Variants in HIBADH observed in about 807,000 individuals in gnomAD.
HIBADH encodes the protein 3-hydroxyisobutyrate dehydrogenase, mitochondrial.
A neutral mutation model predicts 36.1 loss-of-function variants in HIBADH; 25 were observed. The observed-to-expected ratio is 0.69, with a 90% CI of 0.50 to 0.97. The LOEUF is 0.97. Ranked by LOEUF, HIBADH falls within the 50% of genes least tolerant of loss-of-function variation. The pLI is 0.00. For synonymous variants in HIBADH, 160 were observed against 149.5 expected (o/e 1.07, Z -0.51); for missense variants, 421 against 418.0 (o/e 1.01, Z -0.06).
chr7:27,615,718 T>A (rs1785413710), intron 4 of HIBADH, among the ~76,000 whole-genome samples: 1 of 151,964 alleles, frequency 6.6e-6, no homozygotes, highest in African/African-American at 2.4e-5. Flanking sequence ...CTAATGAAAA[T>A]AAAACAACTC....
At chr7:27,638,250 C>A (rs1336482964) in intron 2 of HIBADH, among the ~76,000 whole-genome samples, 1 of 105,486 alleles carries the variant, frequency 9.5e-6, no homozygotes, top group Non-Finnish European at 1.8e-5. Context: ...ACCAATGGGA[C>A]AGAATAAAGT....
At position 27,584,737 on chromosome 7, in the gene HIBADH, G is replaced by C. The variant is rs185802087; in HGVS notation, c.485-41637C>G. The stretch of plus-strand genomic sequence containing the variant: ...ACAAAAGACATGTACTCAACATTAA[G>C]ATTTAATAAAATTAATAATTTTTAA... On this transcript the variant is annotated intron_variant, in intron 4 of 7. Transcript: ENST00000265395. Among the ~76,000 whole-genome samples, 456 of 152,042 alleles carry C rather than the reference G, an allele frequency of 3.0e-3. 1 individual carries two copies. Among genetic ancestry groups the C allele is most frequent in the Middle Eastern group, 0.01 (3 of 294 alleles).
In HIBADH at chr7:27,607,224, C is replaced by A. The variant is rs115048047; in HGVS notation, c.484+22147G>T. ...TCTAAATGCTGTATTTAAAAGTCTG[C>A]GGCTGGGCGCCATGGCTCACACCTA... On this transcript the variant is annotated intron_variant, in intron 4 of 7. Transcript: ENST00000265395. Among the ~76,000 whole-genome samples, 528 of 148,854 alleles carry A rather than the reference C, an allele frequency of 3.5e-3. 3 individuals carry two copies. The highest frequency in any genetic ancestry group is 0.013 in the African/African-American group (508 of 39,940).
chr7:27,661,611 G>T (rs560074550), intron 1 of HIBADH, among the ~76,000 whole-genome samples: 3 of 146,428 alleles, frequency 2.0e-5, no homozygotes, highest in African/African-American at 7.5e-5. Flanking sequence ...AAAAAAAAAG[G>T]GCGGGGGGCC....
rs202051184 is a variant in HIBADH, at chr7:27,594,144, G to GT, written c.484+35226dup. 1.2e-3 allele frequency among the ~76,000 whole-genome samples: 67 copies of GT among 55,428 alleles called. 2 individuals are homozygous for GT. Among genetic ancestry groups the GT allele is most frequent in the Admixed American group, 1.7e-3 (10 of 5,930 alleles). The allele number at this position is 55,428 out of a possible 152,430, so 36.4% of individuals were successfully genotyped here. On this transcript the variant is annotated intron_variant, in intron 4 of 7. Transcript: ENST00000265395. ...TAGGTTGTTACATAAAGATGTTTTTGTTTTTTTGTTTTTTTTCTGAAACAG... is the reference window on the plus strand; with the variant it reads ...TAGGTTGTTACATAAAGATGTTTTTGTTTTTTTTGTTTTTTTTCTGAAACAG...
intron 2 of HIBADH, among the ~76,000 whole-genome samples, chr7:27,646,505 G>A (rs1419120274): frequency 2.0e-5 from 3 of 151,742 alleles, no homozygotes; most frequent in African/African-American, 7.3e-5. Context: ...TACAGACTAT[G>A]TTATATAAAC....
intron 2 of HIBADH, among the ~76,000 whole-genome samples, chr7:27,637,383 T>G (rs927632449): frequency 6.6e-6 from 1 of 152,222 alleles, no homozygotes; most frequent in Non-Finnish European, 1.5e-5. Flanking sequence ...ATCATTATTA[T>G]CAGTTACGTT....
intron 4 of HIBADH, among the ~76,000 whole-genome samples, chr7:27,568,921 A>T (rs200806528): frequency 2.1e-4 from 30 of 144,306 alleles, no homozygotes; most frequent in Admixed American, 6.2e-4. Context: ...TTTTTTCCAA[A>T]TTTTTTTTTT....
chr7:27,630,120 T>C lies in HIBADH; in HGVS notation c.363-628A>G, dbSNP rs548940151. On this transcript the variant is annotated intron_variant, in intron 3 of 7. Coordinates refer to ENST00000265395, the MANE Select transcript of HIBADH (RefSeq NM_152740.4). ...CTTTTTGGCTTTTTAGGGTAACTTA[T>C]ATATATACACTATAAGGCAGTGTCT... 8.5e-5 allele frequency among the ~76,000 whole-genome samples: 13 copies of C among 152,286 alleles called. No homozygotes were observed. In the South Asian group the frequency reaches 2.3e-3, roughly 27 times the overall value.
chr7:27,555,808 T>C (rs1008716884), intron 4 of HIBADH, among the ~76,000 whole-genome samples: 7 of 152,152 alleles, frequency 4.6e-5, no homozygotes, highest in African/African-American at 1.4e-4. Flanking sequence ...TTTGCCAAAG[T>C]AGAACAGAAA....
At chr7:27,570,779 TC>T (rs1271931014) in intron 4 of HIBADH, among the ~76,000 whole-genome samples, 1 of 150,910 alleles carries the variant, frequency 6.6e-6, no homozygotes, top group Non-Finnish European at 1.5e-5. Flanking sequence ...TGTCTTTTTT[TC>T]CCAGCTGCTT....
At chr7:27,637,070 T>C (rs1373670055) in intron 2 of HIBADH, among the ~76,000 whole-genome samples, 6 of 152,172 alleles carry the variant, frequency 3.9e-5, no homozygotes, top group African/African-American at 1.2e-4. Context: ...AGAATAAAGA[T>C]TTTGGAGAAA....
Position 27,526,316 on chromosome 7 carries a change from G to A in HIBADH, c.909C>T (p.Gly303=). 2 of 1,613,546 alleles carry A rather than the reference G, an allele frequency of 1.2e-6. No homozygotes were observed. Among genetic ancestry groups the A allele is most frequent in the South Asian group, 1.1e-5 (1 of 90,906 alleles). ...ATSTKSPILL[G]SLAHQIYRMM... ...TCCTGTAGATCTGATGGGCCAGACTGCCAAGAAGGATTGGGCTCTTTGTGC... is the reference window on the plus strand; with the variant it reads ...TCCTGTAGATCTGATGGGCCAGACTACCAAGAAGGATTGGGCTCTTTGTGC... Residue 303 remains glycine, a synonymous_variant, in exon 8 of 8, where the codon GGC becomes GGT. Coordinates refer to ENST00000265395, the MANE Select transcript of HIBADH (RefSeq NM_152740.4).
At chr7:27,528,723 G>C (rs534578425) in intron 7 of HIBADH, among the ~76,000 whole-genome samples, 3 of 152,326 alleles carry the variant, frequency 2.0e-5, no homozygotes, top group Admixed American at 1.3e-4. Context: ...ACTGCTGATG[G>C]AGAAACTGCA....
At chr7:27,567,030 T>G (rs955643391) in intron 4 of HIBADH, among the ~76,000 whole-genome samples, 14 of 152,196 alleles carry the variant, frequency 9.2e-5, no homozygotes, top group African/African-American at 3.4e-4. Flanking sequence ...TCTATACATG[T>G]CAATTAGGTT....
rs77813432 is a variant in HIBADH at position 27,582,264 on chromosome 7, C to T, written c.485-39164G>A. On this transcript the variant is annotated intron_variant, in intron 4 of 7. Coordinates refer to ENST00000265395, the MANE Select transcript of HIBADH (RefSeq NM_152740.4). ...ATTTGGCAGCAAAACTTTACCTGAA[C>T]TGATTTAAGGCTATAGTCTTCATTT... 0.017 allele frequency among the ~76,000 whole-genome samples: 2,576 copies of T among 152,192 alleles called. 140 individuals are homozygous for T. In the East Asian group the frequency reaches 0.17, roughly 10 times the overall value.
At chr7:27,637,993 T>A (rs1785872292) in intron 2 of HIBADH, among the ~76,000 whole-genome samples, 2 of 152,166 alleles carry the variant, frequency 1.3e-5, no homozygotes, top group African/African-American at 4.8e-5. Context: ...AAAATGGCCA[T>A]ATTGCCCAAA....
At chr7:27,646,093 T>C (rs894089210) in intron 2 of HIBADH, among the ~76,000 whole-genome samples, 3 of 152,108 alleles carry the variant, frequency 2.0e-5, no homozygotes, top group African/African-American at 7.2e-5. Context: ...TCTTTGGGGG[T>C]TGGGGAGGTG....
At position 27,654,004 on chromosome 7, in the gene HIBADH, C is replaced by T. The variant is rs372215476; in HGVS notation, c.92-4371G>A. 8.7e-4 allele frequency among the ~76,000 whole-genome samples: 133 copies of T among 152,200 alleles called. No homozygotes were observed. In the South Asian group the frequency reaches 0.027, roughly 31 times the overall value. ...AAAACAAGGACGTTAAAAATTATAA[C>T]TGTAGTCTATATATTCCAAAGGTAG... On this transcript the variant is annotated intron_variant, in intron 1 of 7. Transcript: ENST00000265395.
Sources: gnomAD v4.1 joint callset for allele counts (sites outside exome capture counted in the v4.1 genomes callset) on GRCh38, gnomAD v4.1.1 for gene constraint, MANE v1.5 for transcripts, NCBI Gene and HGNC (gene_info 2026-07-23, HGNC 2026-07-21) for gene names.